Variants in NRG3 observed in about 807,000 individuals in gnomAD.
The protein encoded by NRG3 is neuregulin 3.
NRG3 carries 31 observed loss-of-function variants against 66.9 expected under a neutral mutation model. That is an observed-to-expected ratio of 0.46 (90% CI 0.35 to 0.63). The LOEUF (loss-of-function observed/expected upper bound fraction) is 0.63, where lower values mean the gene tolerates loss of function less well. NRG3 is among the 20% of genes least tolerant of loss of function. NRG3 has a pLI of 0.00. For synonymous variants in NRG3, 393 were observed against 359.4 expected (o/e 1.09, Z -1.06); for missense variants, 910 against 878.9 (o/e 1.04, Z -0.45).
At chr10:82,768,410 C>T (rs1051764874) in intron 3 of NRG3, among the ~76,000 whole-genome samples, 3 of 152,052 alleles carry the variant, frequency 2.0e-5, no homozygotes, top group Non-Finnish European at 4.4e-5. Context: ...CTTTATCAAC[C>T]TCTTGTTTGT....
intron 1 of NRG3, among the ~76,000 whole-genome samples, chr10:82,189,939 G>C (rs1367104463): frequency 6.6e-6 from 1 of 152,024 alleles, no homozygotes; most frequent in African/African-American, 2.4e-5. Context: ...CTCCAGCCTG[G>C]ACAACAGAGC....
chr10:82,908,722 A>G (rs559733953), intron 4 of NRG3, among the ~76,000 whole-genome samples: 2 of 152,318 alleles, frequency 1.3e-5, no homozygotes, highest in African/African-American at 2.4e-5. Context: ...TGGCCATACT[A>G]AACTGCTTCA....
intron 4 of NRG3, among the ~76,000 whole-genome samples, chr10:82,882,553 G>A (rs746227373): frequency 2.0e-5 from 3 of 152,144 alleles, no homozygotes; most frequent in South Asian, 2.1e-4. Context: ...TGGAAGAATC[G>A]CTGGTCCATA....
chr10:82,893,750 T>C (rs1843392413), intron 4 of NRG3, among the ~76,000 whole-genome samples: 1 of 152,130 alleles, frequency 6.6e-6, no homozygotes, highest in African/African-American at 2.4e-5. Context: ...AGGATGAAGC[T>C]AATGCCATGT....
At chr10:82,604,531 C>T (rs1311644530) in intron 2 of NRG3, among the ~76,000 whole-genome samples, 1 of 152,100 alleles carries the variant, frequency 6.6e-6, no homozygotes, top group African/African-American at 2.4e-5. Context: ...CAATTTCAAA[C>T]TCATGTTTGT....
chr10:82,126,109 T>C (rs2068435024), intron 1 of NRG3, among the ~76,000 whole-genome samples: 1 of 152,040 alleles, frequency 6.6e-6, no homozygotes, highest in East Asian at 1.9e-4. Context: ...AACTGGGGTG[T>C]TGGACAGCCA....
intron 2 of NRG3, among the ~76,000 whole-genome samples, chr10:82,614,651 A>G (rs1437106474): frequency 1.3e-5 from 2 of 152,174 alleles, no homozygotes; most frequent in Non-Finnish European, 2.9e-5. Context: ...TTTTCAGGTA[A>G]TAGAAGCAAG....
At chr10:82,459,057 A>G (rs942970473) in intron 2 of NRG3, among the ~76,000 whole-genome samples, 1 of 152,188 alleles carries the variant, frequency 6.6e-6, no homozygotes, top group African/African-American at 2.4e-5. Context: ...TCACCATGGC[A>G]GGGCTGCTAC....
At chr10:81,975,319 A>ATCTG (rs1158356684) in intron 1 of NRG3, among the ~76,000 whole-genome samples, 410 of 8,308 alleles carry the variant, frequency 0.049, 1 homozygote, top group African/African-American at 0.19. Context: ...TGTAACATCT[A>ATCTG]TCTATCTATC....
intron 2 of NRG3, among the ~76,000 whole-genome samples, chr10:82,491,316 A>ATATATATATATATAT (rs1389375279): frequency 2.3e-4 from 32 of 136,772 alleles, no homozygotes; most frequent in South Asian, 4.9e-4. Context: ...ATATATATAT[A>ATATATATATATATAT]AAATAAAGAT....
At chr10:82,420,588 C>T (rs191743518) in intron 2 of NRG3, among the ~76,000 whole-genome samples, 1 of 152,170 alleles carries the variant, frequency 6.6e-6, no homozygotes, top group East Asian at 1.9e-4. Flanking sequence ...TATAAAATGG[C>T]AAAGCTGCTC....
At chr10:82,429,738 C>T (rs145663979) in intron 2 of NRG3, among the ~76,000 whole-genome samples, 221 of 152,048 alleles carry the variant, frequency 1.5e-3, no homozygotes, top group African/African-American at 5.0e-3. Context: ...TTTTCTTGGC[C>T]TCTCATCCAT....
chr10:82,548,114 T>C (rs1470015261), intron 2 of NRG3, among the ~76,000 whole-genome samples: 1 of 149,900 alleles, frequency 6.7e-6, no homozygotes, highest in Non-Finnish European at 1.5e-5. Context: ...GTAAGATATA[T>C]AACTGGTTAT....
chr10:81,880,646 C>T (rs1842097799), intron 1 of NRG3, among the ~76,000 whole-genome samples: 1 of 152,156 alleles, frequency 6.6e-6, no homozygotes, highest in Non-Finnish European at 1.5e-5. Flanking sequence ...ATTCTTTCCT[C>T]ATAACCTCTC....
intron 2 of NRG3, among the ~76,000 whole-genome samples, chr10:82,721,374 G>A (rs1591307620): frequency 1.3e-5 from 2 of 151,456 alleles, no homozygotes; most frequent in South Asian, 2.1e-4. Flanking sequence ...TTCTGACCTC[G>A]TGATCCGCCT....
At chr10:82,496,616 A>T (rs546236851) in intron 2 of NRG3, among the ~76,000 whole-genome samples, 11 of 152,228 alleles carry the variant, frequency 7.2e-5, no homozygotes, top group Admixed American at 3.3e-4. Flanking sequence ...TTCTCTTTAC[A>T]TATTTCTATG....
chr10:82,819,829 G>A (rs976845486), intron 3 of NRG3, among the ~76,000 whole-genome samples: 1 of 152,158 alleles, frequency 6.6e-6, no homozygotes, highest in Non-Finnish European at 1.5e-5. Context: ...GAAAATAGAG[G>A]AGCATTGAAA....
chr10:82,565,844 G>A (rs2045369011), intron 2 of NRG3, among the ~76,000 whole-genome samples: 1 of 152,018 alleles, frequency 6.6e-6, no homozygotes, highest in South Asian at 2.1e-4. Context: ...TACAGAATCA[G>A]GGCAAAGAGG....
intron 3 of NRG3, among the ~76,000 whole-genome samples, chr10:82,818,169 G>C (rs1249062018): frequency 6.6e-6 from 1 of 152,220 alleles, no homozygotes; most frequent in Non-Finnish European, 1.5e-5. Flanking sequence ...GGTAACTTCT[G>C]GGTGTTGCCA....
Sources: allele counts gnomAD v4.1 joint callset (sites outside exome capture counted in the v4.1 genomes callset), GRCh38; gene constraint gnomAD v4.1.1; transcripts MANE v1.5; gene names NCBI Gene and HGNC (gene_info 2026-07-23, HGNC 2026-07-21).